TGFBR3: variants seen among roughly 807,000 people sequenced by gnomAD.
The protein encoded by TGFBR3 is transforming growth factor beta receptor type 3.
In TGFBR3, 46 loss-of-function variants were observed where a neutral mutation model predicts 87.9. That is an observed-to-expected ratio of 0.52 (90% CI 0.41 to 0.67). The LOEUF (loss-of-function observed/expected upper bound fraction) is 0.67, where lower values mean the gene tolerates loss of function less well. Ranked by LOEUF, TGFBR3 falls within the 30% of genes least tolerant of loss-of-function variation. TGFBR3 has a pLI of 0.00. For missense variants in TGFBR3, 866 were observed against 1,041.9 expected, an observed-to-expected ratio of 0.83 and a Z score of 2.32; for synonymous variants, 381 against 391.6, an observed-to-expected ratio of 0.97 and a Z score of 0.32.
intron 3 of TGFBR3, among the ~76,000 whole-genome samples, chr1:91,781,988 G>A (rs1474421072): frequency 2.6e-5 from 4 of 152,170 alleles, no homozygotes. Context: ...GTTCACAATG[G>A]TAATATTACC....
At chr1:91,752,149 C>T (rs1410392534) in intron 4 of TGFBR3, among the ~76,000 whole-genome samples, 2 of 152,092 alleles carry the variant, frequency 1.3e-5, no homozygotes, top group African/African-American at 4.8e-5. Flanking sequence ...GAATTACCTC[C>T]GAGTAGAGCT....
intron 1 of TGFBR3, among the ~76,000 whole-genome samples, chr1:91,874,480 T>C (rs920971840): frequency 1.5e-4 from 23 of 152,152 alleles, no homozygotes; most frequent in Admixed American, 1.4e-3. Context: ...TGGCTTTTAT[T>C]CTGAGAAAGA....
At position 91,734,963 on chromosome 1, in the gene TGFBR3, G is replaced by C. The variant is rs138007142; in HGVS notation, c.385-4C>G. ...GGACCACAGAACCCTCAGACACCTA[G>C]AGGAAAGAGAATTGCGTATTTAACA... is the stretch of plus-strand genomic sequence containing the variant. On this transcript the variant is annotated splice_region_variant and splice_polypyrimidine_tract_variant and intron_variant, in intron 4 of 16. Coordinates refer to ENST00000212355, the MANE Select transcript of TGFBR3 (RefSeq NM_003243.5). 598 of 1,614,028 alleles carry C rather than the reference G, an allele frequency of 3.7e-4. 4 individuals carry two copies. In the East Asian group the frequency reaches 0.013, roughly 35 times the overall value.
At chr1:91,880,757 T>C (rs1679051679) in intron 1 of TGFBR3, among the ~76,000 whole-genome samples, 1 of 151,792 alleles carries the variant, frequency 6.6e-6, no homozygotes, top group Non-Finnish European at 1.5e-5. Flanking sequence ...CTCATGCCTG[T>C]AATCCCAACA....
chr1:91,898,677 T>C (rs1382454131), intron 2 of TGFBR3, among the ~76,000 whole-genome samples: 1 of 152,204 alleles, frequency 6.6e-6, no homozygotes, highest in Non-Finnish European at 1.5e-5. Flanking sequence ...GACCTCGTGA[T>C]CCACCCGCCT....
intron 2 of TGFBR3, among the ~76,000 whole-genome samples, chr1:91,849,977 G>C (rs1048509719): frequency 2.0e-5 from 3 of 150,950 alleles, no homozygotes; most frequent in Non-Finnish European, 4.4e-5. Flanking sequence ...AGCTACTCGG[G>C]AGGCTGAGGC....
chr1:91,806,089 A>G (rs529713583), intron 2 of TGFBR3, among the ~76,000 whole-genome samples: 3 of 152,322 alleles, frequency 2.0e-5, no homozygotes, highest in South Asian at 4.1e-4. Context: ...TGGTTGACTT[A>G]AAAGACTTCA....
At chr1:91,713,109 C>T (rs1177667617) in intron 12 of TGFBR3, among the ~76,000 whole-genome samples, 4 of 152,182 alleles carry the variant, frequency 2.6e-5, no homozygotes, top group Non-Finnish European at 5.9e-5. Context: ...GTGTCAGTGA[C>T]GGTGCAACCT....
intron 14 of TGFBR3, among the ~76,000 whole-genome samples, chr1:91,706,622 T>G (rs1435089688): frequency 5.3e-5 from 8 of 152,160 alleles, no homozygotes; most frequent in Non-Finnish European, 1.5e-5. Context: ...ACCATAAAAA[T>G]AGCAACCAGC....
rs182258756 is a variant in TGFBR3, at chr1:91,683,006, G to A, written c.*733C>T. Reference sequence around the variant, plus strand: ...ATTTTCAATTTCTGTAGGCCTGTAAGAAATACAAAATTTGCATTAAGACAT... The same window carrying A: ...ATTTTCAATTTCTGTAGGCCTGTAAAAAATACAAAATTTGCATTAAGACAT... On this transcript the variant is annotated 3_prime_UTR_variant, in exon 17 of 17. Coordinates refer to ENST00000212355, the MANE Select transcript of TGFBR3 (RefSeq NM_003243.5). 3.5e-4 allele frequency: 161 copies of A among 454,528 alleles called. No individual in the cohort carries two copies. The highest frequency in any genetic ancestry group is 2.9e-3 in the African/African-American group (147 of 50,120). 28.2% of individuals were successfully genotyped at this position (454,528 alleles called of 1,614,324 possible).
At chr1:91,760,821 C>T (rs973413123) in intron 3 of TGFBR3, among the ~76,000 whole-genome samples, 1 of 152,114 alleles carries the variant, frequency 6.6e-6, no homozygotes, top group Non-Finnish European at 1.5e-5. Context: ...GATTGATAGC[C>T]ACTGAGAAGA....
chr1:91,705,391 T>A (rs1465259294), intron 14 of TGFBR3, among the ~76,000 whole-genome samples: 1 of 151,590 alleles, frequency 6.6e-6, no homozygotes, highest in East Asian at 1.9e-4. Context: ...GCCTGGCTAA[T>A]TTTTTTGGTT....
intron 2 of TGFBR3, among the ~76,000 whole-genome samples, chr1:91,839,622 A>T (rs1269320667): frequency 6.6e-6 from 1 of 152,136 alleles, no homozygotes; most frequent in African/African-American, 2.4e-5. Context: ...ATGACACATA[A>T]CCTCAATGTA....
chr1:91,785,991 T>C (rs996335609), intron 3 of TGFBR3, among the ~76,000 whole-genome samples: 4 of 152,034 alleles, frequency 2.6e-5, no homozygotes, highest in African/African-American at 4.8e-5. Flanking sequence ...CTTGAACTCC[T>C]AAGCTCAAGC....
intron 5 of TGFBR3, among the ~76,000 whole-genome samples, chr1:91,731,390 G>GTCGGC (rs1672762540): frequency 6.6e-6 from 1 of 152,124 alleles, no homozygotes; most frequent in African/African-American, 2.4e-5. Flanking sequence ...GCCTCTGTTT[G>GTCGGC]TCGGCTCGTT....
intron 3 of TGFBR3, among the ~76,000 whole-genome samples, chr1:91,791,742 C>A (rs1363955913): frequency 6.6e-6 from 1 of 152,190 alleles, no homozygotes; most frequent in African/African-American, 2.4e-5. Context: ...CCACAACTCA[C>A]CATCTGGTTG....
At chr1:91,865,956 T>TAA (rs113009739) in intron 1 of TGFBR3, among the ~76,000 whole-genome samples, 1 of 149,600 alleles carries the variant, frequency 6.7e-6, no homozygotes, top group African/African-American at 2.5e-5. Flanking sequence ...TTAATGGGTT[T>TAA]AAAAAAAAAG....
chr1:91,683,883 G>A (rs1445146071), intron 16 of TGFBR3, 26 bp from the exon 17 acceptor site: 1 of 1,554,886 alleles, frequency 6.4e-7, no homozygotes, highest in African/African-American at 1.4e-5. Flanking sequence ...AAAAGGCAGA[G>A]TCAGAGAAAG....
chr1:91,734,803 T>C lies in TGFBR3; in HGVS notation c.541A>G (p.Arg181Gly), dbSNP rs1190341978. 6.2e-7 allele frequency: 1 copy of C among 1,614,244 alleles called. No individual in the cohort carries two copies. The highest frequency in any genetic ancestry group is 2.2e-5 in the East Asian group (1 of 44,888). ...TCCCCCACTTTAATATAAATGTTTC[T>C]TGCTATCTTGAGTTCGGTGAATGAA... The part of the protein sequence containing the change: ...VTSFTELKIA[R>G]NIYIKVGEDQ... The change falls in exon 5 of 17, where the codon AGA (arginine) becomes GGA (glycine). Residue 181 changes from arginine (R) to glycine (G), a missense_variant. Arg to Gly is a moderately radical substitution (Grantham distance 125). Coordinates refer to ENST00000212355, the MANE Select transcript of TGFBR3 (RefSeq NM_003243.5).
Sources: gnomAD v4.1 joint callset for allele counts (sites outside exome capture counted in the v4.1 genomes callset) on GRCh38, gnomAD v4.1.1 for gene constraint, MANE v1.5 for transcripts, NCBI Gene and HGNC (gene_info 2026-07-23, HGNC 2026-07-21) for gene names.